The following PSMD13 variants were observed in gnomAD, a reference collection of about 807,000 sequenced individuals.
The protein encoded by PSMD13 is proteasome 26S subunit, non-ATPase 13.
A neutral mutation model predicts 57.4 loss-of-function variants in PSMD13; 8 were observed. The ratio of observed to expected loss-of-function variants is 0.14; its 90% CI spans 0.08 to 0.25. The LOEUF (loss-of-function observed/expected upper bound fraction) is 0.25, where lower values mean the gene tolerates loss of function less well. PSMD13 is among the 10% of genes least tolerant of loss of function. PSMD13 has a pLI of 1.00. For synonymous variants in PSMD13, 193 were observed against 168.2 expected, an observed-to-expected ratio of 1.15 and a Z score of -1.14; for missense variants, 400 against 461.5, an observed-to-expected ratio of 0.87 and a Z score of 1.22.
Position 248,791 on chromosome 11 carries a change from A to G in PSMD13, c.584A>G (p.Glu195Gly), listed in dbSNP as rs1404151659. Residue 195 changes from glutamate (E) to glycine (G), a missense_variant, in exon 8 of 13, where the codon GAG becomes GGG. Transcript: ENST00000532097. The stretch of plus-strand genomic sequence containing the variant: ...GCTACCATAGTGTCTGAGCAGCAGG[A>G]GAGAGCCTTCACGCTGGGGCTAGCA... ...IKDLPVSEQQ[E>G]RAFTLGLAGL... is the part of the protein sequence containing the mutation. 1 of 1,614,074 alleles carries G rather than the reference A, an allele frequency of 6.2e-7. No homozygotes were observed. Among genetic ancestry groups the G allele is most frequent in the Non-Finnish European group, 8.5e-7 (1 of 1,180,016 alleles).
Position 251,786 on chromosome 11 carries a change from A to G in PSMD13, c.919-34A>G, listed in dbSNP as rs746858720. 8 of 1,600,730 alleles carry G rather than the reference A, an allele frequency of 5.0e-6. No individual in the cohort carries two copies. The highest frequency in any genetic ancestry group is 6.8e-6 in the Non-Finnish European group (8 of 1,169,490). On this transcript the variant is annotated intron_variant, in intron 11 of 12. Transcript: ENST00000532097. The surrounding 1 kb of genome is among the most constrained non-coding windows in gnomAD (Gnocchi z 4.6). ...TGGGTCCATGGGGGTGTGTCAGGCTATCTTGTCTTACACACGCCTCCCTCT... is the reference window on the plus strand; with the variant it reads ...TGGGTCCATGGGGGTGTGTCAGGCTGTCTTGTCTTACACACGCCTCCCTCT...
Position 237,075 on chromosome 11 carries a change from A to G in PSMD13, c.26A>G (p.Gln9Arg). 6.2e-7 allele frequency: 1 copy of G among 1,613,972 alleles called. No individual in the cohort carries two copies. The highest frequency in any genetic ancestry group is 2.2e-5 in the East Asian group (1 of 44,874). ...ATGAAGGACGTACCGGGCTTCCTAC[A>G]GCAGAGCCAGAACTCCGGGCCCGGG... The part of the protein sequence containing the change: MKDVPGFL[Q>R]QSQNSGPGQP... Residue 9 changes from glutamine to arginine, a missense_variant, in exon 1 of 13, where the codon CAG (glutamine) becomes CGG (arginine). Gln to Arg is a conservative substitution (Grantham distance 43). Transcript: ENST00000532097.
At position 252,386 on chromosome 11, in the gene PSMD13, A is replaced by C; in HGVS notation, c.1036-119A>C. 2.3e-6 allele frequency: 2 copies of C among 881,918 alleles called. No individual in the cohort carries two copies. Among genetic ancestry groups the C allele is most frequent in the Non-Finnish European group, 3.7e-6 (2 of 541,544 alleles). 54.6% of individuals were successfully genotyped at this position (881,918 alleles called of 1,614,324 possible). A position where few individuals can be genotyped will look rare whatever the true frequency, so the allele number is the denominator to read the frequency against. On this transcript the variant is annotated intron_variant, in intron 12 of 12. Transcript: ENST00000532097. The surrounding 1 kb of genome is among the most constrained non-coding windows in gnomAD (Gnocchi z 4.1). ...CCCCAGCTCAGAGGTCCTTTTTACT[A>C]GAGCTGCCCTAGAGAGTTAGCTGGA...
Position 240,101 on chromosome 11 carries a change from C to CTTTTTTTTTTTTTT in PSMD13, c.174+1039_174+1052dup. Among the ~76,000 whole-genome samples, 371 of 51,428 alleles carry CTTTTTTTTTTTTTT rather than the reference C, an allele frequency of 7.2e-3. 89 individuals are homozygous for CTTTTTTTTTTTTTT. Among genetic ancestry groups the CTTTTTTTTTTTTTT allele is most frequent in the Non-Finnish European group, 9.7e-3 (288 of 29,652 alleles). The allele number at this position is 51,428 out of a possible 152,430, so 33.7% of individuals were successfully genotyped here. On this transcript the variant is annotated intron_variant, in intron 2 of 12. Coordinates refer to ENST00000532097, the MANE Select transcript of PSMD13 (RefSeq NM_002817.4). Reference sequence around the variant, plus strand: ...GTGGGAAAATGATAAATGAGACCTGCTTTTTTTTTTTTTTTTTTTTTTTTT... The same window carrying CTTTTTTTTTTTTTT: ...GTGGGAAAATGATAAATGAGACCTGCTTTTTTTTTTTTTTTTTTTTTTTTTTTTTTTTTTTTTTT...
chr11:252,637 C>G lies in PSMD13; in HGVS notation c.*37C>G. The stretch of plus-strand genomic sequence containing the variant: ...TCCCCGTCGTGTCTCCTTTGACTCA[C>G]CTGAGAGAGGCGTTTGCAGCCAATG... On this transcript the variant is annotated 3_prime_UTR_variant, in exon 13 of 13. Transcript: ENST00000532097. The surrounding 1 kb of genome is among the most constrained non-coding windows in gnomAD (Gnocchi z 4.1). 6.3e-7 allele frequency: 1 copy of G among 1,594,018 alleles called. No individual in the cohort carries two copies. The highest frequency in any genetic ancestry group is 1.1e-5 in the South Asian group (1 of 90,654).
At position 251,693 on chromosome 11, in the gene PSMD13, G is replaced by A. The variant is rs1590255312; in HGVS notation, c.918+67G>A. The A allele has an allele frequency of 8.4e-6, 13 of 1,550,122 alleles. No homozygotes were observed. The highest frequency in any genetic ancestry group is 3.4e-5 in the South Asian group (3 of 88,834). On this transcript the variant is annotated intron_variant, in intron 11 of 12. Coordinates refer to ENST00000532097, the MANE Select transcript of PSMD13 (RefSeq NM_002817.4). The surrounding 1 kb of genome is among the most constrained non-coding windows in gnomAD (Gnocchi z 4.6). ...CACATGGAGGAGTCAAGGCTCTTGT[G>A]TGAGCGCTGTGCTCCCTAGACAGTA... is the stretch of plus-strand genomic sequence containing the variant.
Position 252,709 on chromosome 11 carries a change from G to A in PSMD13, c.*109G>A. ...GACATTGAATTTGGGTGGGGGTTGGGATCCTGTCTGAAGTACAGACTGTTC... is the reference window on the plus strand; with the variant it reads ...GACATTGAATTTGGGTGGGGGTTGGAATCCTGTCTGAAGTACAGACTGTTC... On this transcript the variant is annotated 3_prime_UTR_variant, in exon 13 of 13. Transcript: ENST00000532097. This position sits in a 1 kb window ranked among gnomAD's most constrained non-coding sequence, Gnocchi z 4.1. The A allele has an allele frequency of 1.0e-6, 1 of 996,374 alleles. No homozygotes were observed. The highest frequency in any genetic ancestry group is 1.5e-6 in the Non-Finnish European group (1 of 646,742). The allele number at this position is 996,374 out of a possible 1,614,324, so 61.7% of individuals were successfully genotyped here.
Position 239,221 on chromosome 11 carries a change from A to G in PSMD13, c.174+145A>G. On this transcript the variant is annotated intron_variant, in intron 2 of 12. Transcript: ENST00000532097. ...AGGTACTGGTCTGAGCGCTTCACATATCCTTCATGACAACGCTGGTCAGTA... is the reference window on the plus strand; with the variant it reads ...AGGTACTGGTCTGAGCGCTTCACATGTCCTTCATGACAACGCTGGTCAGTA... 4 of 762,788 alleles carry G rather than the reference A, an allele frequency of 5.2e-6. No homozygotes were observed. The South Asian group carries it at 6.1e-5, about 12-fold the overall frequency. 47.3% of individuals were successfully genotyped at this position (762,788 alleles called of 1,614,324 possible).
chr11:252,334 A>G lies in PSMD13; in HGVS notation c.1036-171A>G, dbSNP rs991214334. ...TTTTTCTAACGTTCCTGTGAAAAGA[A>G]TTAACCCGGCAAGTCCCGTCCCACT... On this transcript the variant is annotated intron_variant, in intron 12 of 12. Transcript: ENST00000532097. This position sits in a 1 kb window ranked among gnomAD's most constrained non-coding sequence, Gnocchi z 4.1. The G allele has an allele frequency of 1.9e-5, 12 of 618,102 alleles. No homozygotes were observed. The African/African-American group carries it at 2.2e-4, about 11-fold the overall frequency. 38.3% of individuals were successfully genotyped at this position (618,102 alleles called of 1,614,324 possible).
Position 252,301 on chromosome 11 carries a change from A to C in PSMD13, c.1036-204A>C. ...CCTCTGTCCTTGTCTGCTTTCTTTC[A>C]TGCAAGTTTTTTCTAACGTTCCTGT... On this transcript the variant is annotated intron_variant, in intron 12 of 12. Coordinates refer to ENST00000532097, the MANE Select transcript of PSMD13 (RefSeq NM_002817.4). The surrounding 1 kb of genome is among the most constrained non-coding windows in gnomAD (Gnocchi z 4.1). 1.8e-6 allele frequency: 1 copy of C among 562,288 alleles called. No individual in the cohort carries two copies. The highest frequency in any genetic ancestry group is 3.2e-6 in the Non-Finnish European group (1 of 313,422). The allele number at this position is 562,288 out of a possible 1,614,324, so 34.8% of individuals were successfully genotyped here. A position where few individuals can be genotyped will look rare whatever the true frequency, so the allele number is the denominator to read the frequency against.
chr11:247,581 C>G, intron 7 of PSMD13, 133 bp downstream of exon 7: 2 of 1,009,404 alleles, frequency 2.0e-6, no homozygotes, highest in Non-Finnish European at 1.4e-6. Flanking sequence ...CCTGTAATCC[C>G]AGCACTTTGG....
intron 7 of PSMD13, 132 bp from the exon 8 acceptor site, chr11:248,644 C>T: frequency 1.2e-6 from 1 of 843,016 alleles, no homozygotes; most frequent in Non-Finnish European, 1.9e-6. Flanking sequence ...GAAGAGGTGA[C>T]TAATGTCAAG....
At chr11:240,844 T>C (rs551419) in intron 2 of PSMD13, among the ~76,000 whole-genome samples, 41,991 of 152,070 alleles carry the variant, frequency 0.28, 6,958 homozygotes, top group African/African-American at 0.46. Flanking sequence ...TTATTATTAT[T>C]TTTTGAGACG....
At chr11:250,109 A>C (rs1859741445) in intron 9 of PSMD13, among the ~76,000 whole-genome samples, 1 of 151,956 alleles carries the variant, frequency 6.6e-6, no homozygotes, top group East Asian at 1.9e-4. Flanking sequence ...AGGGGTAGTG[A>C]GCCCTTTACA....
chr11:247,271 G>A lies in PSMD13; in HGVS notation c.397-6G>A, dbSNP rs769774132. The A allele has an allele frequency of 8.1e-6, 13 of 1,607,974 alleles. No individual in the cohort carries two copies. In the East Asian group the frequency reaches 2.7e-4, roughly 33 times the overall value. On this transcript the variant is annotated splice_region_variant and splice_polypyrimidine_tract_variant and intron_variant, in intron 6 of 12. Transcript: ENST00000532097. ...AAAGAGAGATGATTTTCCTTCCTGT[G>A]TATAGGAAACAATTGAAGATGTTGA...
rs12786445 is a variant in PSMD13 at position 245,702 on chromosome 11, T to G, written c.396+941T>G. Among the ~76,000 whole-genome samples, 270 of 31,468 alleles carry G rather than the reference T, an allele frequency of 8.6e-3. 6 individuals are homozygous for G. The highest frequency in any genetic ancestry group is 0.016 in the African/African-American group (223 of 14,290). The allele number at this position is 31,468 out of a possible 152,430, so 20.6% of individuals were successfully genotyped here. A position where few individuals can be genotyped will look rare whatever the true frequency, so the allele number is the denominator to read the frequency against. On this transcript the variant is annotated intron_variant, in intron 6 of 12. Transcript: ENST00000532097. ...TGTGTTTGCATGTGTGTTCGTGTGT[T>G]TGTGTGTGTTTGTGTGTGTGTGTTT... is the stretch of plus-strand genomic sequence containing the variant.
intron 2 of PSMD13, among the ~76,000 whole-genome samples, chr11:239,649 A>G (rs1859473583): frequency 6.6e-6 from 1 of 152,138 alleles, no homozygotes; most frequent in Admixed American, 6.5e-5. Flanking sequence ...AGAGTCCTGT[A>G]TAGTGTCATG....
At position 252,174 on chromosome 11, in the gene PSMD13, CTTTTAA is replaced by C; in HGVS notation, c.1035+240_1035+245del. ...ATGGCACTGGTTGTGCTGACGGTGC[CTTTTAA>C]TCTTAAGATAGGAGCTCTGATCAGA... On this transcript the variant is annotated intron_variant, in intron 12 of 12. Coordinates refer to ENST00000532097, the MANE Select transcript of PSMD13 (RefSeq NM_002817.4). The surrounding 1 kb of genome is among the most constrained non-coding windows in gnomAD (Gnocchi z 4.1). 1 of 517,834 alleles carries C rather than the reference CTTTTAA, an allele frequency of 1.9e-6. No homozygotes were observed. The highest frequency in any genetic ancestry group is 3.2e-5 in the East Asian group (1 of 30,842). The allele number at this position is 517,834 out of a possible 1,614,324, so 32.1% of individuals were successfully genotyped here.
Position 237,034 on chromosome 11 carries a change from G to C in PSMD13, c.-16G>C, listed in dbSNP as rs560188941. ...CATCCCGGTTGTTCTTCTGTGCCGG[G>C]GGTCTTCCTGCTGTCATGAAGGACG... On this transcript the variant is annotated 5_prime_UTR_variant, in exon 1 of 13. Transcript: ENST00000532097. 6 of 1,600,194 alleles carry C rather than the reference G, an allele frequency of 3.7e-6. No homozygotes were observed. Among genetic ancestry groups the C allele is most frequent in the Admixed American group, 1.7e-5 (1 of 59,932 alleles).
Sources: allele counts gnomAD v4.1 joint callset (sites outside exome capture counted in the v4.1 genomes callset), GRCh38; gene constraint gnomAD v4.1.1; non-coding constraint Gnocchi (gnomAD v3.1); transcripts MANE v1.5; gene names NCBI Gene and HGNC (gene_info 2026-07-23, HGNC 2026-07-21).